EFR3A: variants seen among roughly 807,000 people sequenced by gnomAD.
EFR3A encodes protein EFR3 homolog A.
Under a neutral mutation model 104.4 loss-of-function variants are expected in EFR3A, and 76 were observed. The ratio of observed to expected loss-of-function variants is 0.73; its 90% CI spans 0.60 to 0.88. The LOEUF is 0.88. Among genes scored for constraint, EFR3A ranks in the 40% least tolerant of loss-of-function variants. The pLI is 0.00. For missense variants in EFR3A, 985 were observed against 1,012.5 expected (o/e 0.97, Z 0.37); for synonymous variants, 330 against 330.0 (o/e 1.00, Z 0.00).
intron 6 of EFR3A, among the ~76,000 whole-genome samples, chr8:131,955,224 G>A (rs137895618): frequency 1.3e-4 from 20 of 152,024 alleles, no homozygotes; most frequent in South Asian, 2.1e-4. Context: ...TATAATCCCC[G>A]TGCCACATAT....
Position 132,011,011 on chromosome 8 carries a change from A to G in EFR3A, c.*116A>G. ...TACTTCTTGAAAATAATGATGGAACATATCTTTAACCAAATGTTTGGCATA... is the reference window on the plus strand; with the variant it reads ...TACTTCTTGAAAATAATGATGGAACGTATCTTTAACCAAATGTTTGGCATA... On this transcript the variant is annotated 3_prime_UTR_variant, in exon 23 of 23. Coordinates refer to ENST00000254624, the MANE Select transcript of EFR3A (RefSeq NM_015137.6). The G allele has an allele frequency of 2.3e-6, 3 of 1,315,670 alleles. No individual in the cohort carries two copies. Among genetic ancestry groups the G allele is most frequent in the South Asian group, 5.3e-5 (2 of 37,788 alleles). The allele number at this position is 1,315,670 out of a possible 1,614,324, so 81.5% of individuals were successfully genotyped here. A position where few individuals can be genotyped will look rare whatever the true frequency, so the allele number is the denominator to read the frequency against.
rs1038735229 is a variant in EFR3A, at chr8:131,949,971, T to C, written c.369T>C (p.Phe123=). The C allele has an allele frequency of 5.0e-6, 8 of 1,589,464 alleles. No individual in the cohort carries two copies. Among genetic ancestry groups the C allele is most frequent in the Non-Finnish European group, 5.1e-6 (6 of 1,170,610 alleles). The change falls in exon 5 of 23, where the codon TTT becomes TTC. Residue 123 remains phenylalanine (F), a splice_region_variant and synonymous_variant. Coordinates refer to ENST00000254624, the MANE Select transcript of EFR3A (RefSeq NM_015137.6). ...ATTATATTATTTGTGTTTTTTAGTTTGTCAAATTTGCAAATATTGAAGAAG... is the reference window on the plus strand; with the variant it reads ...ATTATATTATTTGTGTTTTTTAGTTCGTCAAATTTGCAAATATTGAAGAAG... The part of the protein sequence containing the change: ...PKLQVLGTNS[F]VKFANIEEDT...
At chr8:131,935,571 T>G (rs1817838921) in intron 1 of EFR3A, 2 of 419,838 alleles carry the variant, frequency 4.8e-6, no homozygotes, top group Non-Finnish European at 9.5e-6. Flanking sequence ...GAGAATTAAA[T>G]GAGAGAATTG....
chr8:131,947,778 C>G (rs1333149437), intron 4 of EFR3A, among the ~76,000 whole-genome samples: 4 of 152,010 alleles, frequency 2.6e-5, no homozygotes, highest in African/African-American at 9.7e-5. Context: ...TTTAACTATG[C>G]CATTACTATC....
At chr8:131,978,455 T>C (rs1586640877) in intron 12 of EFR3A, among the ~76,000 whole-genome samples, 1 of 152,204 alleles carries the variant, frequency 6.6e-6, no homozygotes, top group Admixed American at 6.5e-5. Flanking sequence ...AATTTGCAGG[T>C]CTTACTTTTA....
At chr8:131,938,089 TG>T (rs1344988256) in intron 1 of EFR3A, 1 of 390,324 alleles carries the variant, frequency 2.6e-6, no homozygotes, top group African/African-American at 2.1e-5. Context: ...TTGATGTCAA[TG>T]ACAAGTTAGG....
intron 10 of EFR3A, among the ~76,000 whole-genome samples, chr8:131,975,145 T>C (rs1175869637): frequency 1.3e-5 from 2 of 152,098 alleles, no homozygotes; most frequent in Admixed American, 6.5e-5. Flanking sequence ...ATAAGAAAAA[T>C]GACAAGTAAG....
At chr8:132,009,072 A>G (rs1435349920) in intron 22 of EFR3A, among the ~76,000 whole-genome samples, 1 of 151,958 alleles carries the variant, frequency 6.6e-6, no homozygotes, top group African/African-American at 2.4e-5. Context: ...AAAAATAGAT[A>G]TACCAGGAAA....
At chr8:131,974,969 A>T (rs1820246995) in intron 10 of EFR3A, among the ~76,000 whole-genome samples, 1 of 152,250 alleles carries the variant, frequency 6.6e-6, no homozygotes, top group Non-Finnish European at 1.5e-5. Context: ...TTAAGAAAGG[A>T]ACATAACAGC....
rs531776374 is a variant in EFR3A, at chr8:131,969,723, A to T, written c.992-753A>T. Among the ~76,000 whole-genome samples the T allele has an allele frequency of 2.0e-5, 3 of 152,246 alleles. No individual in the cohort carries two copies. In the East Asian group the frequency reaches 5.8e-4, roughly 29 times the overall value. On this transcript the variant is annotated intron_variant, in intron 9 of 22. Coordinates refer to ENST00000254624, the MANE Select transcript of EFR3A (RefSeq NM_015137.6). The stretch of plus-strand genomic sequence containing the variant: ...TTGAAGAGATAAAACTGGTTATTTA[A>T]TTGGAAAGTTATTTAATTGCAAATA...
intron 19 of EFR3A, among the ~76,000 whole-genome samples, 151 bp downstream of exon 19, chr8:131,996,648 C>T (rs1821505470): frequency 1.3e-5 from 2 of 151,996 alleles, no homozygotes; most frequent in Admixed American, 1.3e-4. Flanking sequence ...TCTGATTTAG[C>T]TTTGAATTTA....
At chr8:131,997,346 T>C (rs1173830230) in intron 19 of EFR3A, among the ~76,000 whole-genome samples, 3 of 152,078 alleles carry the variant, frequency 2.0e-5, no homozygotes, top group Non-Finnish European at 4.4e-5. Context: ...TGAATTATGC[T>C]TTCTCAAGCC....
At chr8:131,985,387 C>G (rs1164848581) in intron 16 of EFR3A, among the ~76,000 whole-genome samples, 3 of 152,050 alleles carry the variant, frequency 2.0e-5, no homozygotes, top group Non-Finnish European at 2.9e-5. Flanking sequence ...TTAAATTATA[C>G]TCTTTTGTTG....
intron 10 of EFR3A, among the ~76,000 whole-genome samples, chr8:131,974,047 A>G (rs984647434): frequency 6.6e-6 from 1 of 152,342 alleles, no homozygotes; most frequent in South Asian, 2.1e-4. Flanking sequence ...GACAAAAATA[A>G]GAGTTTTTCC....
Position 131,971,782 on chromosome 8 carries a change from G to GT in EFR3A, c.1159+1140dup, listed in dbSNP as rs530877898. Among the ~76,000 whole-genome samples, 280 of 152,012 alleles carry GT rather than the reference G, an allele frequency of 1.8e-3. 2 individuals are homozygous for GT. Among genetic ancestry groups the GT allele is most frequent in the African/African-American group, 6.6e-3 (272 of 41,436 alleles). ...ATTAGCACATCCAGAGGTGCACACT[G>GT]TAACTTGCTCCTTTTTCATTATATT... On this transcript the variant is annotated intron_variant, in intron 10 of 22. Transcript: ENST00000254624.
At chr8:131,943,683 T>C (rs1044368559) in intron 2 of EFR3A, among the ~76,000 whole-genome samples, 5 of 152,052 alleles carry the variant, frequency 3.3e-5, no homozygotes, top group Non-Finnish European at 7.4e-5. Flanking sequence ...ATCCCTGGCC[T>C]CTACCTACTA....
intron 8 of EFR3A, among the ~76,000 whole-genome samples, chr8:131,964,829 C>T (rs892886733): frequency 7.2e-5 from 11 of 152,120 alleles, no homozygotes; most frequent in African/African-American, 2.7e-4. Flanking sequence ...TACAAGGCTA[C>T]GGTAACCAAA....
chr8:131,936,736 A>T (rs1817912043), intron 1 of EFR3A, among the ~76,000 whole-genome samples: 1 of 152,136 alleles, frequency 6.6e-6, no homozygotes, highest in African/African-American at 2.4e-5. Flanking sequence ...AGAAGGAGAC[A>T]GATGAACAGC....
intron 22 of EFR3A, among the ~76,000 whole-genome samples, chr8:132,010,449 T>TATATATATATATATATATAA (rs1326843233): frequency 7.8e-6 from 1 of 128,402 alleles, no homozygotes; most frequent in Non-Finnish European, 1.6e-5. Flanking sequence ...TATATATATA[T>TATATATATATATATATATAA]AATGAAATAC....
Sources: gnomAD v4.1 joint callset for allele counts (sites outside exome capture counted in the v4.1 genomes callset) on GRCh38, gnomAD v4.1.1 for gene constraint, MANE v1.5 for transcripts, NCBI Gene and HGNC (gene_info 2026-07-23, HGNC 2026-07-21) for gene names.